PARVB: variants seen among roughly 807,000 people sequenced by gnomAD.
PARVB encodes beta-parvin.
PARVB carries 46 observed loss-of-function variants against 47.0 expected under a neutral mutation model. The ratio of observed to expected loss-of-function variants is 0.98; its 90% CI spans 0.77 to 1.25. The LOEUF is 1.25. Ranked by LOEUF, PARVB falls within the 50% of genes most tolerant of loss-of-function variation. The pLI is 0.00. For missense variants in PARVB, 473 were observed against 471.6 expected (o/e 1.00, Z -0.03); for synonymous variants, 196 against 196.3 (o/e 1.00, Z 0.01).
intron 10 of PARVB, among the ~76,000 whole-genome samples, chr22:44,156,175 G>A (rs1158993697): frequency 1.3e-5 from 2 of 151,864 alleles, no homozygotes; most frequent in Admixed American, 1.3e-4. Flanking sequence ...TTAAGGGACT[G>A]TTGCCCACTG....
chr22:44,126,286 C>T (rs2053184257), intron 4 of PARVB, among the ~76,000 whole-genome samples: 1 of 152,124 alleles, frequency 6.6e-6, no homozygotes, highest in Admixed American at 6.5e-5. Flanking sequence ...GAATGAGATC[C>T]CATGGTACAA....
At position 44,168,946 on chromosome 22, in the gene PARVB, C is replaced by T. The variant is rs1046576428; in HGVS notation, c.*268C>T. On this transcript the variant is annotated 3_prime_UTR_variant, in exon 13 of 13. Coordinates refer to ENST00000338758, the MANE Select transcript of PARVB (RefSeq NM_013327.5). ...ACTCGTGCTTGCGTTTGAAGCCTCG[C>T]GTCACTCAGTCGCGTGGGATGATGA... 8 of 402,810 alleles carry T rather than the reference C, an allele frequency of 2.0e-5. No homozygotes were observed. The highest frequency in any genetic ancestry group is 3.1e-5 in the South Asian group (1 of 32,086). 25.0% of individuals were successfully genotyped at this position (402,810 alleles called of 1,614,324 possible). A position where few individuals can be genotyped will look rare whatever the true frequency, so the allele number is the denominator to read the frequency against.
intron 1 of PARVB, among the ~76,000 whole-genome samples, chr22:44,093,441 G>T (rs1161600149): frequency 2.6e-5 from 4 of 152,216 alleles, no homozygotes; most frequent in African/African-American, 9.6e-5. Flanking sequence ...GCCTGTGAAT[G>T]TGGCCATCAC....
chr22:44,061,385 C>T (rs1410701631), intron 1 of PARVB, among the ~76,000 whole-genome samples: 2 of 148,358 alleles, frequency 1.3e-5, no homozygotes, highest in Non-Finnish European at 3.0e-5. Flanking sequence ...GAGCCGAAGT[C>T]ACGTCACTGT....
intron 11 of PARVB, among the ~76,000 whole-genome samples, chr22:44,160,991 C>A (rs547869996): frequency 6.6e-6 from 1 of 152,304 alleles, no homozygotes; most frequent in South Asian, 2.1e-4. Flanking sequence ...CGTGAAAAGA[C>A]CGGTCCAAAT....
At chr22:44,158,876 G>T (rs2053992407) in intron 11 of PARVB, among the ~76,000 whole-genome samples, 1 of 152,256 alleles carries the variant, frequency 6.6e-6, no homozygotes, top group Non-Finnish European at 1.5e-5. Context: ...AGTCAGGGAG[G>T]CAGACAATGT....
chr22:44,167,417 G>A (rs942351957), intron 12 of PARVB, among the ~76,000 whole-genome samples: 1 of 152,186 alleles, frequency 6.6e-6, no homozygotes, highest in Admixed American at 6.5e-5. Flanking sequence ...CTGTCTGGAA[G>A]TTCTCAGAGC....
At chr22:44,064,726 C>T (rs2051485375) in intron 1 of PARVB, among the ~76,000 whole-genome samples, 1 of 152,174 alleles carries the variant, frequency 6.6e-6, no homozygotes, top group Non-Finnish European at 1.5e-5. Flanking sequence ...TGATGGCATG[C>T]ACCTGTAGTC....
intron 4 of PARVB, among the ~76,000 whole-genome samples, chr22:44,130,757 A>G (rs2147157365): frequency 6.6e-6 from 1 of 152,256 alleles, no homozygotes; most frequent in Admixed American, 6.5e-5. Context: ...CTTCCCAGGT[A>G]ACCTCCTTGC....
rs138980500 is a variant in PARVB, at chr22:44,147,909, G to C, written c.761G>C (p.Ser254Thr). 9.3e-6 allele frequency: 15 copies of C among 1,613,832 alleles called. No homozygotes were observed. In the African/African-American group the frequency reaches 1.7e-4, roughly 19 times the overall value. ...TTCGACCACGCCCCGGATAAGCTCA[G>C]CGTGGTGAAGAAGGTGAGCTATTGG... ...TLFDHAPDKL[S>T]VVKKSLITFV... The change falls in exon 9 of 13, where the codon AGC becomes ACC. Residue 254 changes from serine to threonine, a missense_variant. Transcript: ENST00000338758.
At chr22:44,021,347 A>T (rs1226370800), upstream of PARVB, among the ~76,000 whole-genome samples, 1 of 152,206 alleles carries the variant, frequency 6.6e-6, no homozygotes, top group African/African-American at 2.4e-5. Flanking sequence ...AGGTGGGGGA[A>T]GATTCAAGTA....
intron 1 of PARVB, among the ~76,000 whole-genome samples, chr22:44,072,218 C>T (rs1047709209): frequency 2.6e-5 from 4 of 152,290 alleles, no homozygotes; most frequent in Admixed American, 6.5e-5. Context: ...TCCCCCTTTC[C>T]GGGCTATTGG....
intron 1 of PARVB, among the ~76,000 whole-genome samples, chr22:44,072,642 A>G (rs747450647): frequency 1.3e-5 from 2 of 152,012 alleles, no homozygotes; most frequent in South Asian, 2.1e-4. Context: ...GGGCTTCACC[A>G]TGTTGGCCAG....
intron 3 of PARVB, chr22:44,111,378 G>A (rs959288409): frequency 7.0e-6 from 1 of 143,206 alleles, no homozygotes; most frequent in African/African-American, 2.5e-5. Flanking sequence ...ATACAGGCAT[G>A]TACACCAGCG....
chr22:44,088,063 GACAC>G (rs1192158763), intron 1 of PARVB, among the ~76,000 whole-genome samples: 1 of 152,184 alleles, frequency 6.6e-6, no homozygotes, highest in East Asian at 1.9e-4. Flanking sequence ...TGGAAACTGA[GACAC>G]ACAGAGCCGT....
chr22:44,088,529 T>A (rs1251053094), intron 1 of PARVB, among the ~76,000 whole-genome samples: 1 of 152,180 alleles, frequency 6.6e-6, no homozygotes, highest in Non-Finnish European at 1.5e-5. Flanking sequence ...TGGAGTGAAG[T>A]GGCACAACCT....
At chr22:44,086,344 G>A (rs949399898) in intron 1 of PARVB, among the ~76,000 whole-genome samples, 1 of 152,174 alleles carries the variant, frequency 6.6e-6, no homozygotes, top group African/African-American at 2.4e-5. Context: ...CCATGTCCGG[G>A]CCAGGAGGAG....
intron 1 of PARVB, among the ~76,000 whole-genome samples, chr22:44,059,270 T>A (rs777927046): frequency 2.1e-4 from 32 of 151,374 alleles, no homozygotes; most frequent in Non-Finnish European, 4.4e-4. Flanking sequence ...GGTCACGAAC[T>A]CCTGGCATCA....
chr22:44,098,008 G>A (rs1470015082), intron 2 of PARVB, among the ~76,000 whole-genome samples: 1 of 151,942 alleles, frequency 6.6e-6, no homozygotes, highest in African/African-American at 2.4e-5. Context: ...TGGGCTCAGA[G>A]CCTTCAGGAG....
Sources: gnomAD v4.1 joint callset for allele counts (sites outside exome capture counted in the v4.1 genomes callset) on GRCh38, gnomAD v4.1.1 for gene constraint, MANE v1.5 for transcripts, NCBI Gene and HGNC (gene_info 2026-07-23, HGNC 2026-07-21) for gene names.